The following NCAM2 variants were observed in gnomAD, a reference collection of about 807,000 sequenced individuals.
NCAM2 encodes the protein neural cell adhesion molecule 2, also known as N-CAM-2.
In NCAM2, 30 loss-of-function variants were observed where a neutral mutation model predicts 98.1. The observed-to-expected ratio is 0.31, with a 90% CI of 0.23 to 0.41. NCAM2 has a LOEUF of 0.41. Among genes scored for constraint, NCAM2 ranks in the 10% least tolerant of loss-of-function variants. The pLI is 1.00. For synonymous variants in NCAM2, 368 were observed against 342.4 expected, an observed-to-expected ratio of 1.07 and a Z score of -0.83; for missense variants, 867 against 1,005.8, an observed-to-expected ratio of 0.86 and a Z score of 1.87.
At chr21:21,498,716 T>A (rs1289286548) in intron 15 of NCAM2, among the ~76,000 whole-genome samples, 1 of 152,176 alleles carries the variant, frequency 6.6e-6, no homozygotes, top group Non-Finnish European at 1.5e-5. Flanking sequence ...AAGTACAGTA[T>A]TTATTTTGGG....
rs1388540562 is a variant in NCAM2 at position 21,313,513 on chromosome 21, C to T, written c.620-10870C>T. On this transcript the variant is annotated intron_variant, in intron 5 of 17. Coordinates refer to ENST00000400546, the MANE Select transcript of NCAM2 (RefSeq NM_004540.5). Reference sequence around the variant, plus strand: ...ACATTTTCTGATATTGACATAGCCACTGCAGCTTTCTTTTGATTAGCATTT... The same window carrying T: ...ACATTTTCTGATATTGACATAGCCATTGCAGCTTTCTTTTGATTAGCATTT... Among the ~76,000 whole-genome samples the T allele has an allele frequency of 3.3e-5, 5 of 151,914 alleles. No individual in the cohort carries two copies. The South Asian group carries it at 6.2e-4, about 19-fold the overall frequency.
Position 21,147,235 on chromosome 21 carries a change from G to A in NCAM2, c.56-133343G>A, listed in dbSNP as rs1330837378. 4.1e-6 allele frequency: 4 copies of A among 985,170 alleles called. No individual in the cohort carries two copies. The East Asian group carries it at 3.4e-4, about 84-fold the overall frequency. The allele number at this position is 985,170 out of a possible 1,614,324, so 61.0% of individuals were successfully genotyped here. On this transcript the variant is annotated intron_variant, in intron 1 of 17. Transcript: ENST00000400546. ...CCTCCGCAGTTCTTAGTCCGTACCCGGCATTTCAACAAAAATGTAAATATT... is the reference window on the plus strand; with the variant it reads ...CCTCCGCAGTTCTTAGTCCGTACCCAGCATTTCAACAAAAATGTAAATATT...
chr21:21,473,978 T>G (rs957525227), intron 14 of NCAM2, among the ~76,000 whole-genome samples: 1 of 151,800 alleles, frequency 6.6e-6, no homozygotes, highest in African/African-American at 2.4e-5. Context: ...GTAGCTGCCC[T>G]TCAACATTTA....
chr21:21,142,377 G>GTTTTTTTTTTTTTTT (rs10686568), intron 1 of NCAM2, among the ~76,000 whole-genome samples: 70 of 107,146 alleles, frequency 6.5e-4, no homozygotes, highest in African/African-American at 1.0e-3. Context: ...TTTTTTTTAT[G>GTTTTTTTTTTTTTTT]TTTTTTTTTT....
chr21:21,367,491 G>T (rs1477014508), intron 8 of NCAM2, among the ~76,000 whole-genome samples: 2 of 151,928 alleles, frequency 1.3e-5, no homozygotes, highest in Admixed American at 6.6e-5. Flanking sequence ...TTTGCACGTG[G>T]TTCATGGGAT....
chr21:21,187,479 A>G (rs921253592), intron 1 of NCAM2, among the ~76,000 whole-genome samples: 44 of 152,136 alleles, frequency 2.9e-4, no homozygotes, highest in African/African-American at 9.7e-4. Context: ...GGGAAATTCT[A>G]TGTCATTCAG....
rs141395672 is a variant in NCAM2, at chr21:21,393,582, T to A, written c.1196-16692T>A. On this transcript the variant is annotated intron_variant, in intron 9 of 17. Coordinates refer to ENST00000400546, the MANE Select transcript of NCAM2 (RefSeq NM_004540.5). ...ATCTTAATAAACCAAGATTTTAATT[T>A]TATTTGGATATATGCAGGTTTGTTT... is the stretch of plus-strand genomic sequence containing the variant. Among the ~76,000 whole-genome samples, 80 of 152,250 alleles carry A rather than the reference T, an allele frequency of 5.3e-4. 1 individual carries two copies. The East Asian group carries it at 0.014, about 26-fold the overall frequency.
At chr21:21,158,437 C>A (rs2067678705) in intron 1 of NCAM2, among the ~76,000 whole-genome samples, 1 of 151,956 alleles carries the variant, frequency 6.6e-6, no homozygotes, top group Admixed American at 6.6e-5. Flanking sequence ...ATGGTGAAAT[C>A]CCGTCTCTAC....
intron 5 of NCAM2, among the ~76,000 whole-genome samples, chr21:21,320,131 C>A (rs976380019): frequency 9.9e-5 from 15 of 152,100 alleles, no homozygotes; most frequent in African/African-American, 3.6e-4. Flanking sequence ...TTACTATATT[C>A]ACAAATTAGG....
Position 21,143,844 on chromosome 21 carries a change from G to GT in NCAM2, c.56-136728dup, listed in dbSNP as rs1191401854. 6.7e-5 allele frequency among the ~76,000 whole-genome samples: 4 copies of GT among 59,904 alleles called. No individual in the cohort carries two copies. The East Asian group carries it at 2.2e-3, about 33-fold the overall frequency. 39.3% of individuals were successfully genotyped at this position (59,904 alleles called of 152,430 possible). A position where few individuals can be genotyped will look rare whatever the true frequency, so the allele number is the denominator to read the frequency against. On this transcript the variant is annotated intron_variant, in intron 1 of 17. Coordinates refer to ENST00000400546, the MANE Select transcript of NCAM2 (RefSeq NM_004540.5). Reference sequence around the variant, plus strand: ...TTCCAGCAGTTATTTGTATTTATTTGTTTTTTAAGATAACTTTCTACTCAT... The same window carrying GT: ...TTCCAGCAGTTATTTGTATTTATTTGTTTTTTTAAGATAACTTTCTACTCAT...
intron 1 of NCAM2, among the ~76,000 whole-genome samples, chr21:20,998,873 GCTT>G (rs775962594): frequency 2.8e-4 from 42 of 152,056 alleles, no homozygotes; most frequent in South Asian, 1.9e-3. Flanking sequence ...CAGGGAAACC[GCTT>G]CTTCTTCTTC....
intron 15 of NCAM2, among the ~76,000 whole-genome samples, chr21:21,488,504 T>C (rs1276023539): frequency 3.3e-5 from 5 of 151,988 alleles, no homozygotes; most frequent in Non-Finnish European, 7.4e-5. Context: ...AATATTAATA[T>C]GGTATATTTA....
intron 1 of NCAM2, among the ~76,000 whole-genome samples, chr21:21,025,535 A>G (rs2064527631): frequency 6.6e-6 from 1 of 152,188 alleles, no homozygotes; most frequent in African/African-American, 2.4e-5. Flanking sequence ...ACTGTTATTA[A>G]TGGTAAGAGT....
At chr21:21,357,247 A>G (rs761412059) in intron 8 of NCAM2, among the ~76,000 whole-genome samples, 1 of 152,154 alleles carries the variant, frequency 6.6e-6, no homozygotes, top group Non-Finnish European at 1.5e-5. Context: ...TATGCCTCAC[A>G]GTCCTCTTTT....
chr21:21,115,589 A>T (rs1427460217), intron 1 of NCAM2, among the ~76,000 whole-genome samples: 4 of 152,152 alleles, frequency 2.6e-5, no homozygotes, highest in Non-Finnish European at 5.9e-5. Flanking sequence ...AAGTTCATGG[A>T]ATGTCCCTGC....
intron 1 of NCAM2, chr21:21,147,272 C>G: frequency 6.1e-6 from 6 of 983,888 alleles, no homozygotes; most frequent in Non-Finnish European, 7.2e-6. Context: ...AGAGATGTGT[C>G]ACTGAATGAG....
At chr21:21,333,586 AT>A (rs982251234) in intron 6 of NCAM2, among the ~76,000 whole-genome samples, 3 of 152,162 alleles carry the variant, frequency 2.0e-5, no homozygotes, top group African/African-American at 7.2e-5. Context: ...TAGAAAGAAC[AT>A]TGGAACTTAA....
At position 21,196,801 on chromosome 21, in the gene NCAM2, C is replaced by A. The variant is rs1320118864; in HGVS notation, c.56-83777C>A. On this transcript the variant is annotated intron_variant, in intron 1 of 17. Transcript: ENST00000400546. ...CCCAAATCTCATGCCCGCTTGTTAT[C>A]CCCAGTGTTGGAGGTGGGGCCTGGT... Among the ~76,000 whole-genome samples, 3 of 152,314 alleles carry A rather than the reference C, an allele frequency of 2.0e-5. 1 individual carries two copies. The highest frequency in any genetic ancestry group is 4.4e-5 in the Non-Finnish European group (3 of 68,016).
intron 6 of NCAM2, among the ~76,000 whole-genome samples, chr21:21,329,438 G>C (rs2074612345): frequency 6.6e-6 from 1 of 152,028 alleles, no homozygotes; most frequent in East Asian, 1.9e-4. Flanking sequence ...ATACCATCTT[G>C]GTTTGTGTTA....
Sources: allele counts gnomAD v4.1 joint callset (sites outside exome capture counted in the v4.1 genomes callset), GRCh38; gene constraint gnomAD v4.1.1; transcripts MANE v1.5; gene names NCBI Gene and HGNC (gene_info 2026-07-23, HGNC 2026-07-21).